Variants in STRBP observed in about 807,000 individuals in gnomAD.
STRBP encodes the protein spermatid perinuclear RNA-binding protein.
In STRBP, 13 loss-of-function variants were observed where a neutral mutation model predicts 80.1. The observed-to-expected ratio is 0.16, with a 90% CI of 0.11 to 0.26. The LOEUF is 0.26. STRBP is among the 10% of genes least tolerant of loss of function. STRBP has a pLI of 1.00. For missense variants in STRBP, 485 were observed against 815.2 expected, an observed-to-expected ratio of 0.59 and a Z score of 4.93; for synonymous variants, 284 against 291.2, an observed-to-expected ratio of 0.98 and a Z score of 0.25.
intron 1 of STRBP, among the ~76,000 whole-genome samples, chr9:123,258,176 T>C (rs893364496): frequency 6.6e-6 from 1 of 152,212 alleles, no homozygotes; most frequent in Non-Finnish European, 1.5e-5. Context: ...ACTGTTCTAC[T>C]AGGTGCTTGA....
chr9:123,133,923 T>A (rs1407357552), intron 16 of STRBP, among the ~76,000 whole-genome samples: 1 of 152,074 alleles, frequency 6.6e-6, no homozygotes, highest in Non-Finnish European at 1.5e-5. Context: ...TCCCCACTAA[T>A]TAAAAATGTG....
chr9:123,255,864 C>T (rs960046733), intron 1 of STRBP, among the ~76,000 whole-genome samples: 28 of 152,206 alleles, frequency 1.8e-4, no homozygotes, highest in African/African-American at 6.5e-4. Flanking sequence ...AAATTTTCCT[C>T]CTGATCTCAC....
chr9:123,192,582 C>T lies in STRBP; in HGVS notation c.-164-8284G>A, dbSNP rs182933670. On this transcript the variant is annotated intron_variant, in intron 2 of 18. Coordinates refer to ENST00000348403, the MANE Select transcript of STRBP (RefSeq NM_018387.5). ...CCTAGCCTAGCCAACATACAGAGACCCCCATCTCAATTTTTAAAAAGGGAA... is the reference window on the plus strand; with the variant it reads ...CCTAGCCTAGCCAACATACAGAGACTCCCATCTCAATTTTTAAAAAGGGAA... 2.6e-5 allele frequency among the ~76,000 whole-genome samples: 4 copies of T among 152,116 alleles called. No individual in the cohort carries two copies. The East Asian group carries it at 5.8e-4, about 22-fold the overall frequency.
rs566924657 is a variant in STRBP, at chr9:123,122,871, C to T, written c.*2726G>A. 120 of 985,566 alleles carry T rather than the reference C, an allele frequency of 1.2e-4. No individual in the cohort carries two copies. In the African/African-American group the frequency reaches 2.0e-3, roughly 16 times the overall value. The allele number at this position is 985,566 out of a possible 1,614,324, so 61.1% of individuals were successfully genotyped here. ...TTTAAGCTCTACACTGACCTGTAAACTCCCTGACAAGAAACTATGCTAAAA... is the reference window on the plus strand; with the variant it reads ...TTTAAGCTCTACACTGACCTGTAAATTCCCTGACAAGAAACTATGCTAAAA... On this transcript the variant is annotated 3_prime_UTR_variant, in exon 19 of 19. Coordinates refer to ENST00000348403, the MANE Select transcript of STRBP (RefSeq NM_018387.5).
intron 11 of STRBP, among the ~76,000 whole-genome samples, chr9:123,156,794 G>A (rs925142779): frequency 6.6e-6 from 1 of 151,992 alleles, no homozygotes; most frequent in African/African-American, 2.4e-5. Flanking sequence ...AACAGACTGG[G>A]CAACTGCACT....
Position 123,126,086 on chromosome 9 carries a change from C to G in STRBP, c.1943-413G>C, listed in dbSNP as rs1218263106. Among the ~76,000 whole-genome samples the G allele has an allele frequency of 1.3e-5, 2 of 152,244 alleles. No individual in the cohort carries two copies. The highest frequency in any genetic ancestry group is 2.9e-5 in the Non-Finnish European group (2 of 68,036). On this transcript the variant is annotated intron_variant, in intron 18 of 18. Coordinates refer to ENST00000348403, the MANE Select transcript of STRBP (RefSeq NM_018387.5). This position sits in a 1 kb window ranked among gnomAD's most constrained non-coding sequence, Gnocchi z 4.4. ...CTTTCCATGCAGACCTCAGCTCCAG[C>G]TGGAGCCATGGCCAGGCGTTTACTT...
At chr9:123,144,500 C>T (rs2036731360) in intron 13 of STRBP, among the ~76,000 whole-genome samples, 1 of 151,980 alleles carries the variant, frequency 6.6e-6, no homozygotes, top group African/African-American at 2.4e-5. Context: ...GTTTTGCCAC[C>T]CAGTGAATTT....
At chr9:123,196,502 C>T (rs1460188184) in intron 2 of STRBP, among the ~76,000 whole-genome samples, 1 of 151,636 alleles carries the variant, frequency 6.6e-6, no homozygotes, top group African/African-American at 2.4e-5. Context: ...GATTAATAAC[C>T]AAAATATACA....
At chr9:123,266,262 T>C (rs1277184694) in intron 1 of STRBP, among the ~76,000 whole-genome samples, 1 of 152,106 alleles carries the variant, frequency 6.6e-6, no homozygotes, top group Non-Finnish European at 1.5e-5. Flanking sequence ...CTCTCCCAAA[T>C]TTGGGGATGT....
At chr9:123,162,811 C>T (rs561193611) in intron 6 of STRBP, among the ~76,000 whole-genome samples, 12 of 152,282 alleles carry the variant, frequency 7.9e-5, no homozygotes, top group Middle Eastern at 3.4e-3. Flanking sequence ...AAATGTACCA[C>T]GGGTATTCAT....
intron 2 of STRBP, among the ~76,000 whole-genome samples, chr9:123,226,259 A>T (rs150235620): frequency 1.8e-4 from 27 of 152,344 alleles, no homozygotes; most frequent in African/African-American, 3.6e-4. Flanking sequence ...CACTGAAAGG[A>T]ACGTTTTGTA....
At chr9:123,177,676 G>C (rs956133120) in intron 4 of STRBP, among the ~76,000 whole-genome samples, 1 of 152,146 alleles carries the variant, frequency 6.6e-6, no homozygotes, top group Non-Finnish European at 1.5e-5. Context: ...GTCTATAGGA[G>C]TGCTTTCCAA....
At chr9:123,240,148 T>C (rs1408547641) in intron 1 of STRBP, among the ~76,000 whole-genome samples, 2 of 152,252 alleles carry the variant, frequency 1.3e-5, no homozygotes, top group Non-Finnish European at 2.9e-5. Flanking sequence ...CATAGCTTAT[T>C]CTTTTTTACC....
rs71390418 is a variant in STRBP at position 123,200,734 on chromosome 9, ATTTTTTTTTT to A, written c.-164-16446_-164-16437del. ...AGGCGCCCCGCCACACACCCCGCTAATTTTTTTTTTTTTTTTTTTTTTTTTTTTAGTAGAG... is the reference window on the plus strand; with the variant it reads ...AGGCGCCCCGCCACACACCCCGCTAATTTTTTTTTTTTTTTTTTAGTAGAG... On this transcript the variant is annotated intron_variant, in intron 2 of 18. Coordinates refer to ENST00000348403, the MANE Select transcript of STRBP (RefSeq NM_018387.5). Among the ~76,000 whole-genome samples, 15 of 37,512 alleles carry A rather than the reference ATTTTTTTTTT, an allele frequency of 4.0e-4. 1 individual carries two copies. The highest frequency in any genetic ancestry group is 2.5e-3 in the South Asian group (1 of 406). The allele number at this position is 37,512 out of a possible 152,430, so 24.6% of individuals were successfully genotyped here.
At chr9:123,256,076 T>C (rs997142483) in intron 1 of STRBP, among the ~76,000 whole-genome samples, 3 of 137,876 alleles carry the variant, frequency 2.2e-5, no homozygotes, top group Non-Finnish European at 4.5e-5. Flanking sequence ...TAGAGTGGAG[T>C]GCAGTGGCAT....
chr9:123,169,794 G>A, intron 6 of STRBP, 108 bp downstream of exon 6: 1 of 618,136 alleles, frequency 1.6e-6, no homozygotes. Context: ...ACAAATGAAG[G>A]CTGTTATTTC....
rs1293062028 is a variant in STRBP at position 123,132,236 on chromosome 9, C to T, written c.1897+609G>A. Among the ~76,000 whole-genome samples the T allele has an allele frequency of 4.6e-5, 7 of 152,136 alleles. No individual in the cohort carries two copies. In the East Asian group the frequency reaches 1.3e-3, roughly 29 times the overall value. ...ACCCTGAGCTAGCTGCCTTATCTCC[C>T]TAAATACCAGTTTCCTTCCTTGGAA... On this transcript the variant is annotated intron_variant, in intron 17 of 18. Coordinates refer to ENST00000348403, the MANE Select transcript of STRBP (RefSeq NM_018387.5).
rs1473528999 is a variant in STRBP, at chr9:123,209,495, A to G, written c.-164-25197T>C. Among the ~76,000 whole-genome samples, 12 of 152,226 alleles carry G rather than the reference A, an allele frequency of 7.9e-5. 1 individual carries two copies. The highest frequency in any genetic ancestry group is 1.3e-4 in the Non-Finnish European group (9 of 68,034). ...AAAGCATTTGATAAAGTACTACACA[A>G]TATGTTATTTTTGTGATGCCTACAA... On this transcript the variant is annotated intron_variant, in intron 2 of 18. Transcript: ENST00000348403.
intron 2 of STRBP, among the ~76,000 whole-genome samples, chr9:123,190,130 A>G (rs2038867705): frequency 6.6e-6 from 1 of 152,118 alleles, no homozygotes. Context: ...AAATACAAAA[A>G]TCAGCCAAAC....
Sources: allele counts gnomAD v4.1 joint callset (sites outside exome capture counted in the v4.1 genomes callset), GRCh38; gene constraint gnomAD v4.1.1; non-coding constraint Gnocchi (gnomAD v3.1); transcripts MANE v1.5; gene names NCBI Gene and HGNC (gene_info 2026-07-23, HGNC 2026-07-21).